The following MAGI1 variants were observed in gnomAD, a reference collection of about 807,000 sequenced individuals.
MAGI1 encodes membrane associated guanylate kinase, WW and PDZ domain containing 1, also known as membrane-associated guanylate kinase, WW and PDZ domain-containing protein 1.
A neutral mutation model predicts 139.9 loss-of-function variants in MAGI1; 58 were observed. That is an observed-to-expected ratio of 0.41 (90% confidence interval 0.34 to 0.52). The LOEUF is 0.52. Among genes scored for constraint, MAGI1 ranks in the 20% least tolerant of loss-of-function variants. The pLI is 0.12. For missense variants in MAGI1, 1,874 were observed against 1,901.6 expected (o/e 0.99, Z 0.27); for synonymous variants, 812 against 737.9 (o/e 1.10, Z -1.63).
At chr3:66,031,667 T>C (rs1311079802) in intron 1 of MAGI1, among the ~76,000 whole-genome samples, 1 of 151,226 alleles carries the variant, frequency 6.6e-6, no homozygotes, top group Non-Finnish European at 1.5e-5. Context: ...CAAAAACAGG[T>C]TGATTTTTGA....
chr3:65,812,335 T>C (rs2041296054), intron 1 of MAGI1, among the ~76,000 whole-genome samples: 1 of 152,100 alleles, frequency 6.6e-6, no homozygotes, highest in Non-Finnish European at 1.5e-5. Context: ...CCTGGCCCAG[T>C]GCTCCCCAGC....
At chr3:65,854,194 C>G (rs985202301) in intron 1 of MAGI1, among the ~76,000 whole-genome samples, 2 of 142,184 alleles carry the variant, frequency 1.4e-5, no homozygotes, top group African/African-American at 5.2e-5. Flanking sequence ...AAAAAAAAAG[C>G]ATCGGCTACT....
chr3:65,751,929 A>G (rs1041080735), intron 1 of MAGI1, among the ~76,000 whole-genome samples: 1 of 152,244 alleles, frequency 6.6e-6, no homozygotes, highest in African/African-American at 2.4e-5. Flanking sequence ...CCTTAAAGAT[A>G]TCGTCTGATT....
intron 18 of MAGI1, among the ~76,000 whole-genome samples, chr3:65,370,302 C>G (rs1941858387): frequency 6.6e-6 from 1 of 152,174 alleles, no homozygotes; most frequent in South Asian, 2.1e-4. Flanking sequence ...TATTCACCCT[C>G]TGCCAGACTT....
At chr3:65,384,627 G>A (rs921218044) in intron 14 of MAGI1, among the ~76,000 whole-genome samples, 3 of 152,094 alleles carry the variant, frequency 2.0e-5, no homozygotes, top group Admixed American at 2.0e-4. Context: ...CTAGCTATTC[G>A]GGAGCTGAGG....
intron 1 of MAGI1, among the ~76,000 whole-genome samples, chr3:65,988,209 G>C (rs1043631412): frequency 5.3e-5 from 8 of 152,128 alleles, no homozygotes; most frequent in African/African-American, 1.7e-4. Context: ...ATCTACACTT[G>C]TCCCGAAATT....
intron 1 of MAGI1, among the ~76,000 whole-genome samples, chr3:65,714,525 T>G (rs948395100): frequency 6.6e-6 from 1 of 152,106 alleles, no homozygotes; most frequent in African/African-American, 2.4e-5. Flanking sequence ...ATGATGCTCA[T>G]GCCACTTGTT....
intron 1 of MAGI1, among the ~76,000 whole-genome samples, chr3:65,679,011 G>T (rs1201946460): frequency 6.6e-6 from 1 of 152,062 alleles, no homozygotes; most frequent in Non-Finnish European, 1.5e-5. Context: ...TTACTTCCGT[G>T]TTCCACTTAT....
At chr3:65,768,005 T>C (rs2037629506) in intron 1 of MAGI1, among the ~76,000 whole-genome samples, 1 of 152,262 alleles carries the variant, frequency 6.6e-6, no homozygotes, top group East Asian at 1.9e-4. Context: ...AATTCATGAA[T>C]TGCTACTAAA....
chr3:65,848,381 T>C (rs1417753914), intron 1 of MAGI1, among the ~76,000 whole-genome samples: 2 of 152,162 alleles, frequency 1.3e-5, no homozygotes, highest in Non-Finnish European at 2.9e-5. Flanking sequence ...CGATATCTGA[T>C]GGCCTGAGAA....
chr3:65,637,641 G>T (rs1384972016), intron 1 of MAGI1, among the ~76,000 whole-genome samples: 1 of 152,060 alleles, frequency 6.6e-6, no homozygotes, highest in African/African-American at 2.4e-5. Context: ...GCTTATATTG[G>T]TGATGATTCC....
chr3:65,615,471 G>C (rs1009155560), intron 2 of MAGI1, among the ~76,000 whole-genome samples: 1 of 152,288 alleles, frequency 6.6e-6, no homozygotes, highest in East Asian at 1.9e-4. Context: ...CCTAGCAAGA[G>C]GTAAATATAG....
intron 1 of MAGI1, among the ~76,000 whole-genome samples, chr3:65,632,554 C>T (rs1228294893): frequency 2.0e-5 from 3 of 152,164 alleles, no homozygotes; most frequent in Non-Finnish European, 4.4e-5. Flanking sequence ...TACACAATTA[C>T]TTCCAACCTC....
Position 65,962,401 on chromosome 3 carries a change from G to A in MAGI1, c.313+75595C>T, listed in dbSNP as rs546785329. On this transcript the variant is annotated intron_variant, in intron 1 of 22. Coordinates refer to ENST00000402939, the MANE Select transcript of MAGI1 (RefSeq NM_001033057.2). ...CTCCCAAAGTGCTAGGATTACAGGC[G>A]TGAGCCACCGCGCCCGGCCTCTGAA... is the stretch of plus-strand genomic sequence containing the variant. 1.1e-3 allele frequency among the ~76,000 whole-genome samples: 160 copies of A among 151,964 alleles called. 2 individuals carry two copies. The highest frequency in any genetic ancestry group is 3.6e-3 in the African/African-American group (148 of 41,446).
chr3:65,830,008 C>G (rs148873709), intron 1 of MAGI1, among the ~76,000 whole-genome samples: 1 of 152,112 alleles, frequency 6.6e-6, no homozygotes, highest in Admixed American at 6.6e-5. Context: ...TCTACATACA[C>G]GTGAAAAATG....
intron 2 of MAGI1, among the ~76,000 whole-genome samples, chr3:65,589,901 T>A (rs990687743): frequency 6.6e-6 from 1 of 151,946 alleles, no homozygotes; most frequent in Admixed American, 6.6e-5. Flanking sequence ...CCCATCACCT[T>A]CAGGATAAGT....
chr3:65,999,879 C>T (rs968053368), intron 1 of MAGI1, among the ~76,000 whole-genome samples: 1 of 151,482 alleles, frequency 6.6e-6, no homozygotes, highest in South Asian at 2.1e-4. Context: ...CCTTACTCTA[C>T]CTAAAAGTAA....
chr3:65,504,848 A>C (rs928947097), intron 2 of MAGI1, among the ~76,000 whole-genome samples: 6 of 152,126 alleles, frequency 3.9e-5, no homozygotes, highest in Non-Finnish European at 8.8e-5. Context: ...ATTTTTCCTC[A>C]TTTTTCAGGG....
intron 1 of MAGI1, among the ~76,000 whole-genome samples, chr3:65,850,424 C>G (rs2059161965): frequency 6.6e-6 from 1 of 152,124 alleles, no homozygotes; most frequent in South Asian, 2.1e-4. Context: ...CAGGGTAAAC[C>G]AGGATGGCTA....
Sources: gnomAD v4.1 joint callset for allele counts (sites outside exome capture counted in the v4.1 genomes callset) on GRCh38, gnomAD v4.1.1 for gene constraint, MANE v1.5 for transcripts, NCBI Gene and HGNC (gene_info 2026-07-23, HGNC 2026-07-21) for gene names.